ABCC1: variants seen among roughly 807,000 people sequenced by gnomAD.
The protein encoded by ABCC1 is ATP binding cassette subfamily C member 1 (ABCC1 blood group), also known as multidrug resistance-associated protein 1.
ABCC1 carries 83 observed loss-of-function variants against 172.9 expected under a neutral mutation model. The observed-to-expected ratio is 0.48, with a 90% confidence interval of 0.40 to 0.58. The LOEUF (loss-of-function observed/expected upper bound fraction) is 0.58, where lower values mean the gene tolerates loss of function less well. Ranked by LOEUF, ABCC1 falls within the 20% of genes least tolerant of loss-of-function variation. ABCC1 has a pLI of 0.00. For missense variants in ABCC1, 1,817 were observed against 2,002.7 expected, an observed-to-expected ratio of 0.91 and a Z score of 1.77; for synonymous variants, 937 against 825.2, an observed-to-expected ratio of 1.14 and a Z score of -2.32.
intron 27 of ABCC1, among the ~76,000 whole-genome samples, chr16:16,133,019 C>A (rs1456883233): frequency 6.6e-6 from 1 of 152,070 alleles, no homozygotes; most frequent in Non-Finnish European, 1.5e-5. Flanking sequence ...CCTAGTTGGC[C>A]CCTCCAAAAC....
chr16:16,084,422 G>A (rs1172856599), intron 17 of ABCC1, among the ~76,000 whole-genome samples: 2 of 149,162 alleles, frequency 1.3e-5, no homozygotes, highest in Non-Finnish European at 3.0e-5. Flanking sequence ...AGAGTGTAGT[G>A]GCTCACTCTT....
At chr16:16,136,099 C>A (rs910304394) in intron 28 of ABCC1, among the ~76,000 whole-genome samples, 1 of 151,638 alleles carries the variant, frequency 6.6e-6, no homozygotes, top group Non-Finnish European at 1.5e-5. Flanking sequence ...TCTTGGCTCA[C>A]TGCAACTTCC....
At chr16:16,058,741 C>A (rs2151922997) in intron 12 of ABCC1, among the ~76,000 whole-genome samples, 1 of 152,296 alleles carries the variant, frequency 6.6e-6, no homozygotes, top group African/African-American at 2.4e-5. Context: ...ATCTCTGCCT[C>A]CCGGGTTCAA....
intron 12 of ABCC1, among the ~76,000 whole-genome samples, chr16:16,064,442 C>T (rs966803581): frequency 6.6e-6 from 1 of 152,186 alleles, no homozygotes; most frequent in Non-Finnish European, 1.5e-5. Context: ...TCAGTTACCA[C>T]CTGAGGGGTG....
chr16:15,963,884 G>A (rs567515505), intron 1 of ABCC1, among the ~76,000 whole-genome samples: 9 of 152,044 alleles, frequency 5.9e-5, no homozygotes, highest in African/African-American at 2.2e-4. Flanking sequence ...TTCTGCAGCC[G>A]GCTTGAATTT....
intron 2 of ABCC1, 68 bp from the exon 3 acceptor site, chr16:16,009,708 G>C (rs1001306385): frequency 2.0e-6 from 3 of 1,475,328 alleles, no homozygotes; most frequent in African/African-American, 2.9e-5. Context: ...GGGCTGAGCT[G>C]TTCGTGCAGG....
At chr16:15,991,115 T>C (rs7186901) in intron 1 of ABCC1, among the ~76,000 whole-genome samples, 1,761 of 152,182 alleles carry the variant, frequency 0.012, 42 homozygotes, top group African/African-American at 0.04. Flanking sequence ...AGATATCTCT[T>C]CAGGGCCCAT....
rs548645518 is a variant in ABCC1, at chr16:16,032,442, C to G, written c.616-667C>G. On this transcript the variant is annotated intron_variant, in intron 5 of 30. Coordinates refer to ENST00000399410, the MANE Select transcript of ABCC1 (RefSeq NM_004996.4). ...TGATTACTGCAGTAGACCACAAGCT[C>G]CATACAGGCAGGGGTCATTTCTGTT... Among the ~76,000 whole-genome samples the G allele has an allele frequency of 2.8e-4, 42 of 152,180 alleles. 2 individuals carry two copies. Among genetic ancestry groups the G allele is most frequent in the Admixed American group, 2.4e-3 (36 of 15,272 alleles).
chr16:15,987,138 C>G (rs1395315841), intron 1 of ABCC1, among the ~76,000 whole-genome samples: 1 of 152,106 alleles, frequency 6.6e-6, no homozygotes, highest in East Asian at 1.9e-4. Flanking sequence ...GCAGTCCAGT[C>G]TGGGCAACAA....
chr16:16,132,964 G>A (rs1173085480), intron 27 of ABCC1, among the ~76,000 whole-genome samples: 1 of 152,136 alleles, frequency 6.6e-6, no homozygotes, highest in Non-Finnish European at 1.5e-5. Context: ...TAGTCAACCT[G>A]TGAGCCTCCT....
intron 3 of ABCC1, among the ~76,000 whole-genome samples, chr16:16,013,471 A>T (rs576307591): frequency 2.6e-5 from 4 of 151,874 alleles, no homozygotes; most frequent in African/African-American, 4.8e-5. Context: ...GGGTTTCACC[A>T]TGTTGGCCAG....
chr16:16,049,394 T>A (rs940378583), intron 10 of ABCC1, among the ~76,000 whole-genome samples: 8 of 152,164 alleles, frequency 5.3e-5, no homozygotes, highest in African/African-American at 1.9e-4. Flanking sequence ...AGAGATGTGA[T>A]TGACAGCCCT....
At position 16,086,765 on chromosome 16, in the gene ABCC1, A is replaced by G. The variant is rs944039938; in HGVS notation, c.2293-59A>G. ...ATCACACCACACTCGGCCTGCTTCT[A>G]CGTATTGTGAGTCTCAAGATTTCCC... is the stretch of plus-strand genomic sequence containing the variant. On this transcript the variant is annotated intron_variant, in intron 17 of 30. Coordinates refer to ENST00000399410, the MANE Select transcript of ABCC1 (RefSeq NM_004996.4). 6.3e-6 allele frequency: 10 copies of G among 1,583,852 alleles called. No individual in the cohort carries two copies. In the African/African-American group the frequency reaches 6.7e-5, roughly 11 times the overall value.
intron 1 of ABCC1, among the ~76,000 whole-genome samples, chr16:16,001,347 G>A (rs1256693753): frequency 6.6e-6 from 1 of 152,082 alleles, no homozygotes; most frequent in Non-Finnish European, 1.5e-5. Context: ...CAAGTAGCTG[G>A]GACTACAGGC....
At chr16:16,134,633 T>C in intron 28 of ABCC1, 125 bp downstream of exon 28, 1 of 1,028,592 alleles carries the variant, frequency 9.7e-7, no homozygotes, top group Non-Finnish European at 1.3e-6. Flanking sequence ...TTCTTTTTTT[T>C]TTTTTTTTTT....
intron 1 of ABCC1, among the ~76,000 whole-genome samples, chr16:15,962,137 T>C (rs1366697615): frequency 6.6e-6 from 1 of 152,238 alleles, no homozygotes; most frequent in African/African-American, 2.4e-5. Context: ...CAGGCCCATG[T>C]TGCTTGGCTG....
At chr16:15,951,540 C>T (rs1378963499) in intron 1 of ABCC1, among the ~76,000 whole-genome samples, 3 of 152,004 alleles carry the variant, frequency 2.0e-5, no homozygotes, top group Non-Finnish European at 2.9e-5. Context: ...TTTGACCTTG[C>T]GTATTTCTGC....
chr16:15,982,221 C>T (rs897576431), intron 1 of ABCC1, among the ~76,000 whole-genome samples: 2 of 152,142 alleles, frequency 1.3e-5, no homozygotes, highest in East Asian at 1.9e-4. Context: ...TTTTGGGTAT[C>T]TTTACAGTAG....
intron 11 of ABCC1, among the ~76,000 whole-genome samples, chr16:16,053,528 C>T (rs1416703630): frequency 1.3e-5 from 2 of 151,966 alleles, no homozygotes; most frequent in African/African-American, 4.8e-5. Context: ...GGGCTCACCC[C>T]TGTAATTTCA....
Sources: gnomAD v4.1 joint callset for allele counts (sites outside exome capture counted in the v4.1 genomes callset) on GRCh38, gnomAD v4.1.1 for gene constraint, MANE v1.5 for transcripts, NCBI Gene and HGNC (gene_info 2026-07-23, HGNC 2026-07-21) for gene names.